FHIT: variants seen among roughly 807,000 people sequenced by gnomAD.
The protein encoded by FHIT is bis(5'-adenosyl)-triphosphatase.
In FHIT, 19 loss-of-function variants were observed where a neutral mutation model predicts 17.9. That is an observed-to-expected ratio of 1.06 (90% CI 0.74 to 1.56). The LOEUF (loss-of-function observed/expected upper bound fraction) is 1.56. Ranked by LOEUF, FHIT falls within the 40% of genes most tolerant of loss-of-function variation. The pLI is 0.00. For missense variants in FHIT, 248 were observed against 189.2 expected, an observed-to-expected ratio of 1.31 and a Z score of -1.82; for synonymous variants, 81 against 69.7, an observed-to-expected ratio of 1.16 and a Z score of -0.81.
chr3:60,088,695 C>A (rs1703603735), intron 5 of FHIT, among the ~76,000 whole-genome samples: 1 of 152,166 alleles, frequency 6.6e-6, no homozygotes, highest in African/African-American at 2.4e-5. Context: ...CTACTCAATT[C>A]CTTCTTATTT....
intron 2 of FHIT, among the ~76,000 whole-genome samples, chr3:61,081,484 A>G (rs1184710582): frequency 6.6e-6 from 1 of 152,232 alleles, no homozygotes; most frequent in African/African-American, 2.4e-5. Context: ...ACTGTCTGCT[A>G]AAACCATCAT....
At chr3:59,917,881 C>A (rs1263713791) in intron 8 of FHIT, among the ~76,000 whole-genome samples, 1 of 152,238 alleles carries the variant, frequency 6.6e-6, no homozygotes, top group East Asian at 1.9e-4. Flanking sequence ...AGCCACCACA[C>A]AAATCTAGGT....
chr3:60,091,655 G>A (rs150124494), intron 5 of FHIT, among the ~76,000 whole-genome samples: 232 of 152,210 alleles, frequency 1.5e-3, no homozygotes, highest in African/African-American at 5.1e-3. Flanking sequence ...TCATGGGGGC[G>A]GTTTCTCACG....
At chr3:60,672,668 A>G (rs2040533508) in intron 4 of FHIT, among the ~76,000 whole-genome samples, 1 of 152,158 alleles carries the variant, frequency 6.6e-6, no homozygotes, top group South Asian at 2.1e-4. Context: ...CCATATTGAC[A>G]ATCTATGACT....
At chr3:60,722,970 C>G (rs1553708492) in intron 4 of FHIT, among the ~76,000 whole-genome samples, 1 of 152,076 alleles carries the variant, frequency 6.6e-6, no homozygotes, top group Non-Finnish European at 1.5e-5. Flanking sequence ...ATTTGCCCGC[C>G]TCGGCCTCCC....
At chr3:61,042,156 C>T (rs1575895390) in intron 2 of FHIT, 57 bp from the exon 3 acceptor site, 1 of 152,168 alleles carries the variant, frequency 6.6e-6, no homozygotes, top group African/African-American at 2.4e-5. Context: ...AGGAAGAAAA[C>T]TCTTTTGCAG....
intron 5 of FHIT, among the ~76,000 whole-genome samples, chr3:60,174,187 G>C (rs1391201578): frequency 6.6e-6 from 1 of 151,612 alleles, no homozygotes; most frequent in Non-Finnish European, 1.5e-5. Context: ...TGGGATTACA[G>C]GCGTGAGCCA....
intron 8 of FHIT, among the ~76,000 whole-genome samples, chr3:59,799,854 T>G (rs1699925357): frequency 1.3e-5 from 2 of 152,172 alleles, no homozygotes; most frequent in African/African-American, 4.8e-5. Flanking sequence ...TGGGGGCGAT[T>G]TTTTAAAATG....
chr3:60,257,455 C>T (rs1706058110), intron 5 of FHIT, among the ~76,000 whole-genome samples: 1 of 152,210 alleles, frequency 6.6e-6, no homozygotes, highest in Non-Finnish European at 1.5e-5. Context: ...ATTTCACTCT[C>T]CCAGTTTTCT....
intron 8 of FHIT, among the ~76,000 whole-genome samples, chr3:59,918,312 T>C (rs1705233462): frequency 1.3e-5 from 2 of 152,102 alleles, no homozygotes; most frequent in Non-Finnish European, 2.9e-5. Context: ...TAACACATAA[T>C]TGGGGGATGC....
intron 3 of FHIT, among the ~76,000 whole-genome samples, chr3:60,861,967 T>G (rs1430759796): frequency 6.7e-6 from 1 of 148,872 alleles, no homozygotes; most frequent in Non-Finnish European, 1.5e-5. Flanking sequence ...AAAGGCCGGT[T>G]TGATCACTTT....
At chr3:60,697,441 A>G (rs1409492498) in intron 4 of FHIT, among the ~76,000 whole-genome samples, 11 of 152,164 alleles carry the variant, frequency 7.2e-5, no homozygotes, top group Admixed American at 7.2e-4. Flanking sequence ...TATATTTCAC[A>G]ATTTTATTTA....
chr3:60,214,307 T>C (rs1334672185), intron 5 of FHIT, among the ~76,000 whole-genome samples: 3 of 152,190 alleles, frequency 2.0e-5, no homozygotes, highest in African/African-American at 7.2e-5. Context: ...GTCATTTAAA[T>C]TTCAACACAG....
chr3:60,953,964 A>G lies in FHIT; in HGVS notation c.-111+88083T>C, dbSNP rs375970460. Among the ~76,000 whole-genome samples the G allele has an allele frequency of 1.1e-4, 16 of 152,340 alleles. No individual in the cohort carries two copies. The South Asian group carries it at 2.3e-3, about 22-fold the overall frequency. On this transcript the variant is annotated intron_variant, in intron 3 of 9. Coordinates refer to ENST00000492590, the MANE Select transcript of FHIT (RefSeq NM_002012.4). The stretch of plus-strand genomic sequence containing the variant: ...AAAAATCAACCACGAAGGATAAACA[A>G]CTAGAAATTAATGGAGCCCAAAGGG...
chr3:60,295,449 C>T (rs971057648), intron 5 of FHIT, among the ~76,000 whole-genome samples: 23 of 151,840 alleles, frequency 1.5e-4, no homozygotes, highest in African/African-American at 5.3e-4. Context: ...ACATACATGG[C>T]GAGACAGGAA....
At chr3:60,756,574 T>G (rs997245520) in intron 4 of FHIT, among the ~76,000 whole-genome samples, 1 of 151,990 alleles carries the variant, frequency 6.6e-6, no homozygotes, top group Admixed American at 6.6e-5. Flanking sequence ...ATAAAATGGG[T>G]TGGGGAGACG....
At chr3:60,659,216 C>A (rs1444343906) in intron 4 of FHIT, among the ~76,000 whole-genome samples, 4 of 151,978 alleles carry the variant, frequency 2.6e-5, no homozygotes, top group Non-Finnish European at 5.9e-5. Context: ...CTTTGTCTTT[C>A]AACAGTTTGA....
chr3:59,962,002 T>C (rs1707709776), intron 7 of FHIT, among the ~76,000 whole-genome samples: 1 of 152,146 alleles, frequency 6.6e-6, no homozygotes, highest in African/African-American at 2.4e-5. Flanking sequence ...AATAAATCAA[T>C]GCAGCCTCTC....
chr3:61,216,016 A>G (rs1024374068), intron 1 of FHIT, among the ~76,000 whole-genome samples: 9 of 152,142 alleles, frequency 5.9e-5, no homozygotes, highest in East Asian at 1.9e-4. Flanking sequence ...AGACTTAAAC[A>G]TTAGACCTAA....
Sources: gnomAD v4.1 joint callset for allele counts (sites outside exome capture counted in the v4.1 genomes callset) on GRCh38, gnomAD v4.1.1 for gene constraint, MANE v1.5 for transcripts, NCBI Gene and HGNC (gene_info 2026-07-23, HGNC 2026-07-21) for gene names.